WWOX: variants seen among roughly 807,000 people sequenced by gnomAD.
WWOX encodes the protein WW domain-containing oxidoreductase.
Under a neutral mutation model 46.2 loss-of-function variants are expected in WWOX, and 69 were observed. The observed-to-expected ratio is 1.49, with a 90% CI of 1.23 to 1.82. The LOEUF (loss-of-function observed/expected upper bound fraction) is 1.82, where lower values mean the gene tolerates loss of function less well. WWOX is among the 40% of genes most tolerant of loss of function. The pLI, the probability that WWOX is intolerant of heterozygous loss-of-function variation, is 0.00. For synonymous variants in WWOX, 359 were observed against 202.6 expected (o/e 1.77, Z -6.56); for missense variants, 919 against 542.6 (o/e 1.69, Z -6.89).
In WWOX at chr16:78,346,908, C is replaced by T. The variant is rs539117581; in HGVS notation, c.517-39952C>T. On this transcript the variant is annotated intron_variant, in intron 5 of 8. Transcript: ENST00000566780. ...TTTTATTTTTATTTTATTTTTTTAG[C>T]AGAGACAGGGTTTCACCATGTTGAC... is the stretch of plus-strand genomic sequence containing the variant. Among the ~76,000 whole-genome samples, 7 of 117,518 alleles carry T rather than the reference C, an allele frequency of 6.0e-5. 3 individuals are homozygous for T. The South Asian group carries it at 1.8e-3, about 30-fold the overall frequency. 77.1% of individuals were successfully genotyped at this position (117,518 alleles called of 152,430 possible).
chr16:78,333,617 A>T lies in WWOX; in HGVS notation c.517-53243A>T, dbSNP rs140943427. The stretch of plus-strand genomic sequence containing the variant: ...CATAAACAGATATTCATCTTAATTG[A>T]TGTTAATTGAGATATAGGAGTACTT... On this transcript the variant is annotated intron_variant, in intron 5 of 8. Transcript: ENST00000566780. Among the ~76,000 whole-genome samples the T allele has an allele frequency of 2.0e-5, 3 of 152,242 alleles. No homozygotes were observed. The East Asian group carries it at 5.8e-4, about 29-fold the overall frequency.
At chr16:79,147,057 T>G (rs772334860) in intron 8 of WWOX, among the ~76,000 whole-genome samples, 2 of 152,210 alleles carry the variant, frequency 1.3e-5, no homozygotes, top group Admixed American at 6.5e-5. Flanking sequence ...ACTTACAGAA[T>G]CTATGGATCT....
intron 5 of WWOX, among the ~76,000 whole-genome samples, chr16:78,359,672 T>A (rs28679466): frequency 6.6e-6 from 1 of 152,150 alleles, no homozygotes. Context: ...TTTAAAAAAA[T>A]AAATTTTCAT....
chr16:78,186,504 C>A (rs902387052), intron 5 of WWOX, among the ~76,000 whole-genome samples: 2 of 152,190 alleles, frequency 1.3e-5, no homozygotes, highest in Non-Finnish European at 2.9e-5. Flanking sequence ...TGCCTCATGC[C>A]TGTAATGTCA....
intron 8 of WWOX, among the ~76,000 whole-genome samples, chr16:78,604,077 G>T (rs2045687537): frequency 6.6e-6 from 1 of 152,168 alleles, no homozygotes; most frequent in Admixed American, 6.5e-5. Context: ...CCGGGAGGTG[G>T]AGGCTGCAGT....
chr16:79,209,506 G>T (rs2051640669), intron 8 of WWOX, among the ~76,000 whole-genome samples: 1 of 152,118 alleles, frequency 6.6e-6, no homozygotes, highest in Non-Finnish European at 1.5e-5. Context: ...TAACCATTGT[G>T]GCATAGAGGG....
chr16:78,335,055 A>G (rs1282102543), intron 5 of WWOX, among the ~76,000 whole-genome samples: 2 of 152,190 alleles, frequency 1.3e-5, no homozygotes, highest in African/African-American at 2.4e-5. Flanking sequence ...TGTTAGACAT[A>G]GAAATTCTTG....
chr16:78,574,652 A>C (rs1485484106), intron 8 of WWOX, among the ~76,000 whole-genome samples: 1 of 151,920 alleles, frequency 6.6e-6, no homozygotes, highest in Non-Finnish European at 1.5e-5. Context: ...TTAAAAATGC[A>C]TTTCTGAACC....
At chr16:78,842,370 G>C (rs1443253530) in intron 8 of WWOX, among the ~76,000 whole-genome samples, 1 of 151,860 alleles carries the variant, frequency 6.6e-6, no homozygotes, top group African/African-American at 2.4e-5. Context: ...GGGCTTGGTG[G>C]TGCACACCTG....
At chr16:78,579,755 G>A (rs2045001071) in intron 8 of WWOX, among the ~76,000 whole-genome samples, 3 of 152,120 alleles carry the variant, frequency 2.0e-5, no homozygotes, top group Admixed American at 6.5e-5. Context: ...CATCTGCCTT[G>A]CTAGGTAGTT....
At chr16:78,365,737 CTTGTTTTTTGTTCTT>C (rs962916125) in intron 5 of WWOX, among the ~76,000 whole-genome samples, 23 of 152,146 alleles carry the variant, frequency 1.5e-4, no homozygotes, top group Middle Eastern at 3.4e-3. Flanking sequence ...CTCCTTATTT[CTTGTTTTTTGTTCTT>C]TTGTTTTTTG....
At chr16:78,978,678 A>T (rs1050858069) in intron 8 of WWOX, among the ~76,000 whole-genome samples, 4 of 152,210 alleles carry the variant, frequency 2.6e-5, no homozygotes, top group Admixed American at 2.0e-4. Context: ...GGCACATCTT[A>T]CATCGCCAGA....
At position 78,432,554 on chromosome 16, in the gene WWOX, C is replaced by T; in HGVS notation, c.858C>T (p.Asp286=). ...DFSRLSPTKN[D]YWAMLAYNRS... is the part of the protein sequence containing the mutation. ...GTCGCCTCTCTCCAACAAAAAACGACTATTGGGCGATGCTGGCTTATAACA... is the reference window on the plus strand; with the variant it reads ...GTCGCCTCTCTCCAACAAAAAACGATTATTGGGCGATGCTGGCTTATAACA... The change falls in exon 8 of 9, where the codon GAC becomes GAT. Residue 286 remains aspartate, a synonymous_variant. Transcript: ENST00000566780. 6.2e-7 allele frequency: 1 copy of T among 1,614,200 alleles called. No homozygotes were observed. Among genetic ancestry groups the T allele is most frequent in the Non-Finnish European group, 8.5e-7 (1 of 1,180,010 alleles).
rs546922905 is a variant in WWOX, at chr16:79,077,920, T to C, written c.1057-133688T>C. 5.9e-5 allele frequency: 9 copies of C among 152,276 alleles called. No homozygotes were observed. In the East Asian group the frequency reaches 1.7e-3, roughly 30 times the overall value. 9.4% of individuals were successfully genotyped at this position (152,276 alleles called of 1,614,324 possible). Reference sequence around the variant, plus strand: ...GAGGCATTGTGGACGCCTGTGGGGTTGGTTTTTGGCACCCATCCCTGACCC... The same window carrying C: ...GAGGCATTGTGGACGCCTGTGGGGTCGGTTTTTGGCACCCATCCCTGACCC... On this transcript the variant is annotated intron_variant, in intron 8 of 8. Coordinates refer to ENST00000566780, the MANE Select transcript of WWOX (RefSeq NM_016373.4).
chr16:78,861,644 T>C (rs2043887897), intron 8 of WWOX, among the ~76,000 whole-genome samples: 1 of 152,216 alleles, frequency 6.6e-6, no homozygotes, highest in Non-Finnish European at 1.5e-5. Flanking sequence ...TTATTTAATA[T>C]CATGAAGTGA....
intron 8 of WWOX, among the ~76,000 whole-genome samples, chr16:78,592,366 T>G (rs2045371990): frequency 1.3e-5 from 2 of 152,238 alleles, no homozygotes; most frequent in African/African-American, 4.8e-5. Context: ...TTAATGATAT[T>G]GAATTGAACA....
At chr16:78,467,359 A>G (rs982919913) in intron 8 of WWOX, among the ~76,000 whole-genome samples, 3 of 152,208 alleles carry the variant, frequency 2.0e-5, no homozygotes, top group African/African-American at 7.2e-5. Context: ...TAAGGAAAGA[A>G]TTATAAAATG....
intron 8 of WWOX, among the ~76,000 whole-genome samples, chr16:78,750,504 A>C (rs981708767): frequency 2.6e-5 from 4 of 151,882 alleles, no homozygotes; most frequent in Non-Finnish European, 2.9e-5. Flanking sequence ...TTTTTGTTTC[A>C]GTTTCGGGGG....
intron 8 of WWOX, among the ~76,000 whole-genome samples, chr16:78,831,552 C>G (rs1414483701): frequency 1.3e-5 from 2 of 152,204 alleles, no homozygotes; most frequent in African/African-American, 2.4e-5. Context: ...AAGCCAGCAT[C>G]AGTGACCTGC....
Sources: gnomAD v4.1 joint callset for allele counts (sites outside exome capture counted in the v4.1 genomes callset) on GRCh38, gnomAD v4.1.1 for gene constraint, MANE v1.5 for transcripts, NCBI Gene and HGNC (gene_info 2026-07-23, HGNC 2026-07-21) for gene names.